The following WNK2 variants were observed in gnomAD, a reference collection of about 807,000 sequenced individuals.
WNK2 encodes the protein serine/threonine-protein kinase WNK2.
WNK2 carries 67 observed loss-of-function variants against 192.1 expected under a neutral mutation model. The observed-to-expected ratio is 0.35, with a 90% CI of 0.29 to 0.43. The LOEUF is 0.43. Ranked by LOEUF, WNK2 falls within the 20% of genes least tolerant of loss-of-function variation. WNK2 has a pLI of 1.00. For synonymous variants in WNK2, 1,439 were observed against 1,393.9 expected (o/e 1.03, Z -0.72); for missense variants, 2,698 against 3,089.7 (o/e 0.87, Z 3.01).
chr9:93,298,057 C>T lies in WNK2; in HGVS notation c.5913C>T (p.Ala1971=), dbSNP rs1037677399. 6.5e-7 allele frequency: 1 copy of T among 1,550,194 alleles called. No individual in the cohort carries two copies. Among genetic ancestry groups the T allele is most frequent in the Admixed American group, 2.0e-5 (1 of 51,056 alleles). ...TGGTGCGGCAGCTCAAGGTCGTGGC[C>T]TCCAGCACAGGTCGGCCTCCGGGTG... ...NPLVRQLKVV[A]SSTGHLADSS... is the part of the protein sequence containing the mutation. Residue 1971 remains alanine, a synonymous_variant, in exon 24 of 30, where the codon GCC becomes GCT. Transcript: ENST00000427277.
At chr9:93,301,855 C>T (rs1458598858) in intron 26 of WNK2, among the ~76,000 whole-genome samples, 2 of 152,242 alleles carry the variant, frequency 1.3e-5, no homozygotes, top group African/African-American at 4.8e-5. Context: ...GCTTAGCCCC[C>T]ATCAGGCAAG....
rs1258353534 is a variant in WNK2 at position 93,247,618 on chromosome 9, C to A, written c.1618C>A (p.Gln540Lys). ...CATCCGTGACCGCGTGGCCTTGATC[C>A]AGTGGCGGCGGGAGAGGATCTGGCC... is the stretch of plus-strand genomic sequence containing the variant. ...KSIRDRVALI[Q>K]WRRERIWPAL... Residue 540 changes from glutamine (Q) to lysine (K), a missense_variant, in exon 8 of 30, where the codon CAG (glutamine) becomes AAG (lysine). Physicochemically the swap from Gln to Lys is moderately conservative, Grantham distance 53 (BLOSUM62 1). Coordinates refer to ENST00000427277, the MANE Select transcript of WNK2 (RefSeq NM_006648.4). This position sits in a 1 kb window ranked among gnomAD's most constrained non-coding sequence, Gnocchi z 5.2. The A allele has an allele frequency of 4.4e-6, 7 of 1,601,190 alleles. No individual in the cohort carries two copies. In the South Asian group the frequency reaches 7.9e-5, roughly 18 times the overall value.
intron 8 of WNK2, among the ~76,000 whole-genome samples, chr9:93,249,905 C>A (rs1259099373): frequency 1.5e-5 from 1 of 66,122 alleles, no homozygotes; most frequent in African/African-American, 7.1e-5. Context: ...CAGATGCTAC[C>A]AATTTTTTTT....
At position 93,297,914 on chromosome 9, in the gene WNK2, C is replaced by T. The variant is rs774786528; in HGVS notation, c.5770C>T (p.Arg1924Cys). 1.4e-5 allele frequency: 22 copies of T among 1,589,876 alleles called. No individual in the cohort carries two copies. In the Admixed American group the frequency reaches 1.4e-4, roughly 10 times the overall value. The change falls in exon 24 of 30, where the codon CGC becomes TGC. Residue 1924 changes from arginine to cysteine, a missense_variant. Coordinates refer to ENST00000427277, the MANE Select transcript of WNK2 (RefSeq NM_006648.4). ...GAAGCAGGAGATCGAAGCTCTGTAC[C>T]GCCGCCTGGGCAAGCCACTGCCCCC... The part of the protein sequence containing the change: ...QQKQEIEALY[R>C]RLGKPLPPNV...
intron 19 of WNK2, among the ~76,000 whole-genome samples, chr9:93,269,249 C>T (rs1465559982): frequency 6.6e-6 from 1 of 152,126 alleles, no homozygotes; most frequent in African/African-American, 2.4e-5. Flanking sequence ...CCAACAAGCC[C>T]GTGCTTTGGG....
At chr9:93,295,832 A>C (rs1187023247) in intron 23 of WNK2, among the ~76,000 whole-genome samples, 55 of 51,836 alleles carry the variant, frequency 1.1e-3, no homozygotes, top group African/African-American at 1.3e-3. Context: ...CTCCATCCTC[A>C]ACTCACTTTC....
chr9:93,289,097 C>T lies in WNK2; in HGVS notation c.4343C>T (p.Pro1448Leu). Reference sequence around the variant, plus strand: ...CACGAGGCCCCGCTTGCTGTGCAGCCCCTCGTGGTGGGCCTAGCACCTTGC... The same window carrying T: ...CACGAGGCCCCGCTTGCTGTGCAGCTCCTCGTGGTGGGCCTAGCACCTTGC... ...ETHEAPLAVQPLVVGLAPCTP... is the reference protein window; with the variant it reads ...ETHEAPLAVQLLVVGLAPCTP... The change falls in exon 20 of 30, where the codon CCC (proline) becomes CTC (leucine). Residue 1448 changes from proline (P) to leucine (L), a missense_variant. Physicochemically the swap from Pro to Leu is moderately conservative, Grantham distance 98 (BLOSUM62 -3). Coordinates refer to ENST00000427277, the MANE Select transcript of WNK2 (RefSeq NM_006648.4). 6.2e-7 allele frequency: 1 copy of T among 1,608,538 alleles called. No individual in the cohort carries two copies. Among genetic ancestry groups the T allele is most frequent in the East Asian group, 2.2e-5 (1 of 44,708 alleles).
intron 28 of WNK2, among the ~76,000 whole-genome samples, chr9:93,309,834 A>C (rs1278799505): frequency 6.6e-6 from 1 of 152,266 alleles, no homozygotes; most frequent in East Asian, 1.9e-4. Flanking sequence ...TAGGCATTCA[A>C]GGCTATAAAG....
At chr9:93,278,997 A>G (rs1847341087) in intron 19 of WNK2, among the ~76,000 whole-genome samples, 1 of 152,228 alleles carries the variant, frequency 6.6e-6, no homozygotes. Context: ...TGAAGGGAAT[A>G]TACAAAATCC....
intron 29 of WNK2, chr9:93,318,802 C>T: frequency 7.1e-7 from 1 of 1,411,050 alleles, no homozygotes; most frequent in Non-Finnish European, 9.2e-7. Context: ...TGGGACTCGT[C>T]CCCAGTGGGC....
chr9:93,310,450 T>A (rs59155902), intron 28 of WNK2, among the ~76,000 whole-genome samples: 44,923 of 148,490 alleles, frequency 0.3, 6,666 homozygotes, highest in East Asian at 0.46. Flanking sequence ...GGCAAAAAAA[T>A]ATATATATAT....
intron 19 of WNK2, among the ~76,000 whole-genome samples, chr9:93,274,573 A>G (rs781507740): frequency 2.8e-4 from 42 of 152,122 alleles, no homozygotes; most frequent in Non-Finnish European, 4.6e-4. Context: ...TATCAGGAAT[A>G]AAAGAGGTAT....
chr9:93,185,578 A>G lies in WNK2; in HGVS notation c.649A>G (p.Thr217Ala). The G allele has an allele frequency of 6.2e-7, 1 of 1,612,290 alleles. No individual in the cohort carries two copies. Among genetic ancestry groups the G allele is most frequent in the Non-Finnish European group, 8.5e-7 (1 of 1,179,360 alleles). The change falls in exon 2 of 30, where the codon ACC becomes GCC. Residue 217 changes from threonine to alanine, a missense_variant. Thr to Ala is a moderately conservative substitution (Grantham distance 58, BLOSUM62 0). Coordinates refer to ENST00000427277, the MANE Select transcript of WNK2 (RefSeq NM_006648.4). ...GGTCTACAAGGGGCTGGACACGGAG[A>G]CCTGGGTGGAGGTGGCCTGGTGTGA... is the stretch of plus-strand genomic sequence containing the variant. The part of the protein sequence containing the change: ...KTVYKGLDTE[T>A]WVEVAWCELQ...
In WNK2 at chr9:93,289,966, T is replaced by C; in HGVS notation, c.4867-12T>C. On this transcript the variant is annotated splice_polypyrimidine_tract_variant and intron_variant, in intron 20 of 29. Coordinates refer to ENST00000427277, the MANE Select transcript of WNK2 (RefSeq NM_006648.4). ...TCTCACGGCTCTTCTCTTTTTGTGT[T>C]TCTTTCTCCAGGTGGAGAAGTCAGA... is the stretch of plus-strand genomic sequence containing the variant. 2 of 1,559,756 alleles carry C rather than the reference T, an allele frequency of 1.3e-6. No homozygotes were observed. Among genetic ancestry groups the C allele is most frequent in the Admixed American group, 3.8e-5 (2 of 52,430 alleles).
At chr9:93,191,160 G>C (rs775938520) in intron 2 of WNK2, among the ~76,000 whole-genome samples, 2 of 152,122 alleles carry the variant, frequency 1.3e-5, no homozygotes, top group East Asian at 1.9e-4. Flanking sequence ...GGAAGATCTC[G>C]TGGGCCCTGA....
At chr9:93,214,703 C>CA (rs201022183) in intron 2 of WNK2, among the ~76,000 whole-genome samples, 1 of 102,268 alleles carries the variant, frequency 9.8e-6, no homozygotes, top group Non-Finnish European at 2.0e-5. Flanking sequence ...TAGTGCCCCC[C>CA]CCCCCCCCGC....
Position 93,261,911 on chromosome 9 carries a change from C to T in WNK2, c.3164C>T (p.Pro1055Leu), listed in dbSNP as rs769356906. The T allele has an allele frequency of 2.4e-5, 38 of 1,607,244 alleles. No individual in the cohort carries two copies. The highest frequency in any genetic ancestry group is 3.3e-4 in the Middle Eastern group (2 of 6,070). The part of the protein sequence containing the change: ...PPAAVLSPPL[P>L]EVLLPAAPEL... Reference sequence around the variant, plus strand: ...GCTGCGGTCCTCTCGCCGCCTCTGCCGGAAGTGCTGCTGCCTGCCGCCCCT... The same window carrying T: ...GCTGCGGTCCTCTCGCCGCCTCTGCTGGAAGTGCTGCTGCCTGCCGCCCCT... The change falls in exon 13 of 30, where the codon CCG becomes CTG. Residue 1055 changes from proline to leucine, a missense_variant. Physicochemically the swap from Pro to Leu is moderately conservative, Grantham distance 98. Around this residue, in one of 7 missense-constraint regions of WNK2, gnomAD observed 893 missense variants for 909.0 expected, o/e 0.98. Coordinates refer to ENST00000427277, the MANE Select transcript of WNK2 (RefSeq NM_006648.4).
intron 26 of WNK2, among the ~76,000 whole-genome samples, chr9:93,305,546 C>T (rs1852366157): frequency 6.6e-6 from 1 of 152,162 alleles, no homozygotes; most frequent in Non-Finnish European, 1.5e-5. Flanking sequence ...AGAACACCAC[C>T]TCACCTTTCC....
chr9:93,228,822 A>G (rs1838240780), intron 2 of WNK2, among the ~76,000 whole-genome samples: 1 of 151,942 alleles, frequency 6.6e-6, no homozygotes. Flanking sequence ...ATCCAGGGGG[A>G]CTATAGTGAG....
Sources: allele counts gnomAD v4.1 joint callset (sites outside exome capture counted in the v4.1 genomes callset), GRCh38; gene constraint gnomAD v4.1.1; regional missense constraint gnomAD v4.1.1; non-coding constraint Gnocchi (gnomAD v3.1); transcripts MANE v1.5; gene names NCBI Gene and HGNC (gene_info 2026-07-23, HGNC 2026-07-21).